The following CDH13 variants were observed in gnomAD, a reference collection of about 807,000 sequenced individuals.
CDH13 encodes cadherin 13.
CDH13 carries 24 observed loss-of-function variants against 63.8 expected under a neutral mutation model. The observed-to-expected ratio is 0.38, with a 90% CI of 0.27 to 0.53. CDH13 has a LOEUF of 0.53. Among genes scored for constraint, CDH13 ranks in the 20% least tolerant of loss-of-function variants. CDH13 has a pLI of 0.85. For synonymous variants in CDH13, 503 were observed against 355.3 expected (o/e 1.42, Z -4.67); for missense variants, 1,049 against 903.1 (o/e 1.16, Z -2.07).
intron 5 of CDH13, among the ~76,000 whole-genome samples, chr16:83,327,561 C>G (rs879312931): frequency 4.6e-5 from 7 of 152,168 alleles, no homozygotes; most frequent in Non-Finnish European, 1.0e-4. Flanking sequence ...ACAAGACAGA[C>G]AAATTCCTAG....
intron 7 of CDH13, among the ~76,000 whole-genome samples, chr16:83,578,323 T>A (rs929996389): frequency 2.6e-5 from 4 of 152,176 alleles, no homozygotes; most frequent in African/African-American, 9.7e-5. Context: ...TTGCTGGGAC[T>A]TAAGGTTCCA....
chr16:83,256,159 A>C (rs1906233884), intron 5 of CDH13, among the ~76,000 whole-genome samples: 1 of 152,046 alleles, frequency 6.6e-6, no homozygotes, highest in African/African-American at 2.4e-5. Flanking sequence ...TTAGCCTTCC[A>C]AGTAGTTGGG....
rs7196353 is a variant in CDH13 at position 83,438,204 on chromosome 16, A to T, written c.782-48273A>T. 1.3e-3 allele frequency among the ~76,000 whole-genome samples: 200 copies of T among 152,288 alleles called. 3 individuals are homozygous for T. In the East Asian group the frequency reaches 0.033, roughly 25 times the overall value. On this transcript the variant is annotated intron_variant, in intron 6 of 13. Transcript: ENST00000567109. Reference sequence around the variant, plus strand: ...GCCTGAGGGACTTGTCTGCAAAGCTATTCTGGAGTCAGATGAAACTGGAAT... The same window carrying T: ...GCCTGAGGGACTTGTCTGCAAAGCTTTTCTGGAGTCAGATGAAACTGGAAT...
At chr16:83,449,713 C>G (rs2151508762) in intron 6 of CDH13, among the ~76,000 whole-genome samples, 1 of 152,306 alleles carries the variant, frequency 6.6e-6, no homozygotes, top group South Asian at 2.1e-4. Context: ...TTTCAAGTCC[C>G]TGTTCTGCAA....
At chr16:83,437,356 C>G (rs77443709) in intron 6 of CDH13, among the ~76,000 whole-genome samples, 8,652 of 152,160 alleles carry the variant, frequency 0.057, 370 homozygotes, top group African/African-American at 0.12. Flanking sequence ...ACGTACTCAG[C>G]TTAATAATGT....
At chr16:82,958,347 C>A (rs772107137) in intron 2 of CDH13, among the ~76,000 whole-genome samples, 2 of 152,128 alleles carry the variant, frequency 1.3e-5, no homozygotes, top group Non-Finnish European at 2.9e-5. Context: ...CCCATTTAAG[C>A]ATGAATTTCA....
intron 1 of CDH13, chr16:82,723,058 A>G (rs1421151079): frequency 1.3e-5 from 2 of 152,214 alleles, no homozygotes; most frequent in African/African-American, 4.8e-5. Flanking sequence ...GTCTAGTCCA[A>G]CATCTGGAAA....
chr16:83,583,382 C>T (rs1301195519), intron 7 of CDH13, among the ~76,000 whole-genome samples: 1 of 152,226 alleles, frequency 6.6e-6, no homozygotes, highest in Non-Finnish European at 1.5e-5. Context: ...ATAGCACTCA[C>T]TTCACTTTGA....
intron 10 of CDH13, among the ~76,000 whole-genome samples, chr16:83,706,807 A>G (rs1907137412): frequency 6.6e-6 from 1 of 152,216 alleles, no homozygotes; most frequent in Non-Finnish European, 1.5e-5. Context: ...TGAATGGATG[A>G]TATTTTTAGG....
At chr16:83,071,429 C>G (rs1202264789) in intron 3 of CDH13, among the ~76,000 whole-genome samples, 2 of 152,210 alleles carry the variant, frequency 1.3e-5, no homozygotes, top group African/African-American at 4.8e-5. Context: ...GTGCTCCTGA[C>G]TACCATGTAG....
chr16:82,815,603 C>G (rs770116178), intron 1 of CDH13, among the ~76,000 whole-genome samples: 1 of 152,178 alleles, frequency 6.6e-6, no homozygotes, highest in African/African-American at 2.4e-5. Context: ...ATAGTGATGA[C>G]TTGAAATTCT....
At chr16:83,304,165 G>A (rs1029206599) in intron 5 of CDH13, among the ~76,000 whole-genome samples, 4 of 152,110 alleles carry the variant, frequency 2.6e-5, no homozygotes, top group Non-Finnish European at 5.9e-5. Flanking sequence ...GGTGAGGGCT[G>A]GATTATGAAG....
chr16:83,283,506 A>T (rs1305194271), intron 5 of CDH13, among the ~76,000 whole-genome samples: 1 of 152,148 alleles, frequency 6.6e-6, no homozygotes, highest in African/African-American at 2.4e-5. Context: ...CATGAGAATC[A>T]CTTGAACCCA....
intron 4 of CDH13, among the ~76,000 whole-genome samples, chr16:83,216,008 A>C (rs1480152054): frequency 6.8e-6 from 1 of 146,162 alleles, no homozygotes; most frequent in Non-Finnish European, 1.5e-5. Context: ...TTTGACCCCA[A>C]CTGCTTCTCA....
At chr16:83,191,193 T>G (rs1469890836) in intron 4 of CDH13, among the ~76,000 whole-genome samples, 2 of 143,604 alleles carry the variant, frequency 1.4e-5, no homozygotes, top group African/African-American at 2.6e-5. Flanking sequence ...CCTGAAATTT[T>G]GGGAAGGGTC....
intron 10 of CDH13, among the ~76,000 whole-genome samples, chr16:83,730,945 T>A (rs1910976760): frequency 6.6e-6 from 1 of 152,230 alleles, no homozygotes; most frequent in South Asian, 2.1e-4. Flanking sequence ...CTAATTCGCT[T>A]AGGTTAATGG....
intron 10 of CDH13, among the ~76,000 whole-genome samples, chr16:83,728,501 A>G (rs7206133): frequency 0.18 from 27,077 of 152,122 alleles, 2,500 homozygotes; most frequent in Middle Eastern, 0.22. Context: ...ACTACATTAA[A>G]GCTTCTGTTG....
rs577402746 is a variant in CDH13 at position 83,530,371 on chromosome 16, C to G, written c.960+43716C>G. Among the ~76,000 whole-genome samples the G allele has an allele frequency of 1.5e-3, 234 of 152,318 alleles. 2 individuals are homozygous for G. Among genetic ancestry groups the G allele is most frequent in the African/African-American group, 5.4e-3 (223 of 41,564 alleles). ...TTATGATTCTCATATTAGACACCTTCTTACACATTCAGATGGCATTTCCAG... is the reference window on the plus strand; with the variant it reads ...TTATGATTCTCATATTAGACACCTTGTTACACATTCAGATGGCATTTCCAG... On this transcript the variant is annotated intron_variant, in intron 7 of 13. Coordinates refer to ENST00000567109, the MANE Select transcript of CDH13 (RefSeq NM_001257.5).
At chr16:83,719,983 A>C (rs1317837941) in intron 10 of CDH13, among the ~76,000 whole-genome samples, 2 of 152,164 alleles carry the variant, frequency 1.3e-5, no homozygotes, top group East Asian at 1.9e-4. Context: ...TGCAAGGGCT[A>C]CTGCACATCA....
Sources: allele counts gnomAD v4.1 joint callset (sites outside exome capture counted in the v4.1 genomes callset), GRCh38; gene constraint gnomAD v4.1.1; transcripts MANE v1.5; gene names NCBI Gene and HGNC (gene_info 2026-07-23, HGNC 2026-07-21).